Variants in INPP5F observed in about 807,000 individuals in gnomAD.
INPP5F encodes inositol polyphosphate-5-phosphatase F, also known as phosphatidylinositide 4-phosphatase SAC2.
In INPP5F, 97 loss-of-function variants were observed where a neutral mutation model predicts 137.2. The ratio of observed to expected loss-of-function variants is 0.71; its 90% confidence interval spans 0.60 to 0.84. The LOEUF (loss-of-function observed/expected upper bound fraction) is 0.84, where lower values mean the gene tolerates loss of function less well. Among genes scored for constraint, INPP5F ranks in the 40% least tolerant of loss-of-function variants. The probability of loss-of-function intolerance (pLI) is 0.00; values close to 1 mark genes in which losing one functional copy is unlikely to be tolerated. For synonymous variants in INPP5F, 504 were observed against 476.9 expected (o/e 1.06, Z -0.74); for missense variants, 1,271 against 1,371.9 (o/e 0.93, Z 1.16).
chr10:119,749,495 A>G (rs12263497), intron 1 of INPP5F, among the ~76,000 whole-genome samples: 23,767 of 152,148 alleles, frequency 0.16, 2,210 homozygotes, highest in Non-Finnish European at 0.21. Flanking sequence ...CTTTGATTTT[A>G]TAGTACATGT....
chr10:119,774,379 C>T (rs1849456080), intron 2 of INPP5F, among the ~76,000 whole-genome samples: 1 of 151,786 alleles, frequency 6.6e-6, no homozygotes, highest in South Asian at 2.1e-4. Context: ...TGAACCTGTG[C>T]ATCCAGGCTC....
In INPP5F at chr10:119,748,366, C is replaced by T. The variant is rs572856308; in HGVS notation, c.98-2710C>T. Among the ~76,000 whole-genome samples, 22 of 152,310 alleles carry T rather than the reference C, an allele frequency of 1.4e-4. No individual in the cohort carries two copies. In the South Asian group the frequency reaches 3.9e-3, roughly 27 times the overall value. ...GGAGAGCCCCTAGGTCTGGTGTTCCCGAAGGGCCGCAGCCCTTTCCTCCTT... is the reference window on the plus strand; with the variant it reads ...GGAGAGCCCCTAGGTCTGGTGTTCCTGAAGGGCCGCAGCCCTTTCCTCCTT... On this transcript the variant is annotated intron_variant, in intron 1 of 19. Coordinates refer to ENST00000650623, the MANE Select transcript of INPP5F (RefSeq NM_014937.4). This position sits in a 1 kb window ranked among gnomAD's most constrained non-coding sequence, Gnocchi z 4.7.
intron 2 of INPP5F, 99 bp from the exon 3 acceptor site, chr10:119,781,536 C>CTTTTTTTT: frequency 1.1e-6 from 1 of 951,936 alleles, no homozygotes; most frequent in Non-Finnish European, 1.4e-6. Context: ...TGGATGCACA[C>CTTTTTTTT]TTTTTTTTTT....
chr10:119,737,565 A>C (rs1437834639), intron 1 of INPP5F, among the ~76,000 whole-genome samples: 1 of 152,216 alleles, frequency 6.6e-6, no homozygotes, highest in Non-Finnish European at 1.5e-5. Flanking sequence ...AATTAGATTT[A>C]AGACTGGGAA....
At chr10:119,753,047 G>A (rs1273479880) in intron 2 of INPP5F, among the ~76,000 whole-genome samples, 1 of 151,918 alleles carries the variant, frequency 6.6e-6, no homozygotes, top group Non-Finnish European at 1.5e-5. Flanking sequence ...ACACAGAGGA[G>A]AAAAGCACTT....
At chr10:119,802,163 C>T (rs1454001305) in intron 9 of INPP5F, among the ~76,000 whole-genome samples, 2 of 152,140 alleles carry the variant, frequency 1.3e-5, no homozygotes, top group Non-Finnish European at 1.5e-5. Context: ...AGGTTTTCTG[C>T]TCTAATAAGA....
intron 15 of INPP5F, chr10:119,819,155 G>C (rs1851429737): frequency 6.1e-6 from 1 of 163,164 alleles, no homozygotes; most frequent in Admixed American, 6.4e-5. Flanking sequence ...CAGAGCTGCA[G>C]ACGTGGGGGG....
rs1849950615 is a variant in INPP5F, at chr10:119,787,225, A to G, written c.316-4292A>G. ...TGGATTTTGGAATTGTACATAAGGA[A>G]GTTAAGGGATGATGGGCTTATATTA... is the stretch of plus-strand genomic sequence containing the variant. On this transcript the variant is annotated intron_variant, in intron 3 of 19. Coordinates refer to ENST00000650623, the MANE Select transcript of INPP5F (RefSeq NM_014937.4). The surrounding 1 kb of genome is among the most constrained non-coding windows in gnomAD (Gnocchi z 4.1). 6.6e-6 allele frequency among the ~76,000 whole-genome samples: 1 copy of G among 152,166 alleles called. No individual in the cohort carries two copies. The highest frequency in any genetic ancestry group is 2.1e-4 in the South Asian group (1 of 4,822).
In INPP5F at chr10:119,760,767, C is replaced by T. The variant is rs117404643; in HGVS notation, c.178+9611C>T. ...CCGTGGGCTTGATTCCCTTTGTGTA[C>T]GGACCAATAACCTCCAGCCTTGAAG... On this transcript the variant is annotated intron_variant, in intron 2 of 19. Transcript: ENST00000650623. Among the ~76,000 whole-genome samples, 19 of 152,294 alleles carry T rather than the reference C, an allele frequency of 1.2e-4. No individual in the cohort carries two copies. The East Asian group carries it at 3.5e-3, about 28-fold the overall frequency.
chr10:119,798,410 A>AT (rs1716507964), intron 8 of INPP5F, 133 bp from the exon 9 acceptor site: 1 of 598,390 alleles, frequency 1.7e-6, no homozygotes, highest in Admixed American at 3.1e-5. Context: ...TCATTTTTAA[A>AT]TGATGGTTTT....
Position 119,791,625 on chromosome 10 carries a change from T to C in INPP5F, c.424T>C (p.Ser142Pro). The change falls in exon 4 of 20, where the codon TCT (serine) becomes CCT (proline). Residue 142 changes from serine (S) to proline (P), a missense_variant. Ser to Pro is a moderately conservative substitution (Grantham distance 74, BLOSUM62 -1). Around this residue, in one of 6 missense-constraint regions of INPP5F, gnomAD observed 62 missense variants for 55.0 expected, o/e 1.13. Coordinates refer to ENST00000650623, the MANE Select transcript of INPP5F (RefSeq NM_014937.4). The part of the protein sequence containing the change: ...KTFTHIKSNV[S>P]APNKKKVKES... Reference sequence around the variant, plus strand: ...CTTTACGCATATTAAATCCAATGTGTCTGCTCCTAATAAAAAGAAAGTAAG... The same window carrying C: ...CTTTACGCATATTAAATCCAATGTGCCTGCTCCTAATAAAAAGAAAGTAAG... The C allele has an allele frequency of 6.2e-7, 1 of 1,604,196 alleles. No individual in the cohort carries two copies. Among genetic ancestry groups the C allele is most frequent in the African/African-American group, 1.3e-5 (1 of 74,828 alleles).
chr10:119,810,156 G>C lies in INPP5F; in HGVS notation c.1626G>C (p.Val542=), dbSNP rs146162738. Residue 542 remains valine, a synonymous_variant, in exon 14 of 20, where the codon GTG becomes GTC. Coordinates refer to ENST00000650623, the MANE Select transcript of INPP5F (RefSeq NM_014937.4). ...RKLAGVMKDG[V]NSANRYYLNR... ...TAGCAGGAGTTATGAAAGATGGAGTGAACTCAGCAAACAGATATTACCTCA... is the reference window on the plus strand; with the variant it reads ...TAGCAGGAGTTATGAAAGATGGAGTCAACTCAGCAAACAGATATTACCTCA... 27 of 1,613,326 alleles carry C rather than the reference G, an allele frequency of 1.7e-5. No homozygotes were observed. The highest frequency in any genetic ancestry group is 2.2e-5 in the Non-Finnish European group (26 of 1,179,552).
intron 1 of INPP5F, among the ~76,000 whole-genome samples, chr10:119,732,781 C>T (rs959502796): frequency 1.3e-5 from 2 of 152,172 alleles, no homozygotes; most frequent in Admixed American, 6.5e-5. Context: ...GCATTACAGG[C>T]GTGAGCCACC....
chr10:119,818,672 C>A (rs1377919162), intron 15 of INPP5F: 1 of 152,370 alleles, frequency 6.6e-6, no homozygotes, highest in Non-Finnish European at 1.5e-5. Context: ...GGAAGCTAGA[C>A]GTGTCCCCTG....
chr10:119,774,261 C>CAA (rs572329987), intron 2 of INPP5F, among the ~76,000 whole-genome samples: 97 of 81,948 alleles, frequency 1.2e-3, no homozygotes, highest in East Asian at 3.1e-3. Context: ...ACTCAGTCTC[C>CAA]AAAAAAAAAA....
chr10:119,796,655 T>C, intron 6 of INPP5F, 60 bp from the exon 7 acceptor site: 1 of 1,296,452 alleles, frequency 7.7e-7, no homozygotes, highest in Non-Finnish European at 1.1e-6. Context: ...ACTGTTTGGG[T>C]TTAAGAAAGT....
intron 1 of INPP5F, among the ~76,000 whole-genome samples, chr10:119,735,871 G>A (rs757513502): frequency 6.6e-6 from 1 of 152,198 alleles, no homozygotes; most frequent in Non-Finnish European, 1.5e-5. Context: ...GCTCATGCCT[G>A]TAATCCCAGC....
Position 119,805,956 on chromosome 10 carries a change from G to C in INPP5F, c.1320-404G>C, listed in dbSNP as rs76273941. Among the ~76,000 whole-genome samples the C allele has an allele frequency of 9.1e-3, 1,392 of 152,308 alleles. 15 individuals carry two copies. The highest frequency in any genetic ancestry group is 0.032 in the African/African-American group (1,329 of 41,564). On this transcript the variant is annotated intron_variant, in intron 11 of 19. Transcript: ENST00000650623. ...ATTAGATGAGCAAGCCATGCTGTGT[G>C]CCTCCTCACTGGGGGGTAAAATAAC...
intron 6 of INPP5F, among the ~76,000 whole-genome samples, chr10:119,793,161 C>G (rs944055991): frequency 6.6e-6 from 1 of 152,138 alleles, no homozygotes; most frequent in Admixed American, 6.6e-5. Context: ...ACATGTTTTG[C>G]CGAGTTTTTG....
Sources: allele counts gnomAD v4.1 joint callset (sites outside exome capture counted in the v4.1 genomes callset), GRCh38; gene constraint gnomAD v4.1.1; regional missense constraint gnomAD v4.1.1; non-coding constraint Gnocchi (gnomAD v3.1); transcripts MANE v1.5; gene names NCBI Gene and HGNC (gene_info 2026-07-23, HGNC 2026-07-21).